The following LRRC4C variants were observed in gnomAD, a reference collection of about 807,000 sequenced individuals.
The protein encoded by LRRC4C is leucine-rich repeat-containing protein 4C.
LRRC4C carries 5 observed loss-of-function variants against 33.6 expected under a neutral mutation model. That is an observed-to-expected ratio of 0.15 (90% confidence interval 0.08 to 0.31). The LOEUF (loss-of-function observed/expected upper bound fraction) is 0.31, where lower values mean the gene tolerates loss of function less well. LRRC4C is among the 10% of genes least tolerant of loss of function. The pLI is 1.00. For missense variants in LRRC4C, 560 were observed against 796.7 expected (o/e 0.70, Z 3.58); for synonymous variants, 329 against 302.0 (o/e 1.09, Z -0.93).
At chr11:40,310,923 A>G (rs1222986440) in intron 4 of LRRC4C, among the ~76,000 whole-genome samples, 2 of 152,212 alleles carry the variant, frequency 1.3e-5, no homozygotes, top group African/African-American at 4.8e-5. Context: ...TTTGAAAACC[A>G]TATGCATTAA....
At chr11:40,804,484 C>T (rs897615264) in intron 2 of LRRC4C, among the ~76,000 whole-genome samples, 9 of 152,262 alleles carry the variant, frequency 5.9e-5, no homozygotes, top group East Asian at 1.9e-4. Context: ...CACAGCATTC[C>T]GCACGTGTTT....
chr11:40,659,588 GAGACTACCAGCT>G (rs1207396491), intron 2 of LRRC4C, among the ~76,000 whole-genome samples: 1 of 152,194 alleles, frequency 6.6e-6, no homozygotes, highest in African/African-American at 2.4e-5. Context: ...CAGAGATGTT[GAGACTACCAGCT>G]ATGGGAAGGA....
At chr11:40,799,632 G>A (rs1159997646) in intron 2 of LRRC4C, among the ~76,000 whole-genome samples, 1 of 152,278 alleles carries the variant, frequency 6.6e-6, no homozygotes, top group Middle Eastern at 3.4e-3. Context: ...ACCATGCCCG[G>A]CTAATTCTTG....
At chr11:41,426,280 CT>C (rs1445200817) in intron 1 of LRRC4C, 1 of 152,166 alleles carries the variant, frequency 6.6e-6, no homozygotes, top group Non-Finnish European at 1.5e-5. Flanking sequence ...CTTTTGATGC[CT>C]CATGTTCCCT....
At chr11:40,226,486 A>T (rs574922539) in intron 5 of LRRC4C, among the ~76,000 whole-genome samples, 3 of 152,358 alleles carry the variant, frequency 2.0e-5, no homozygotes, top group African/African-American at 7.2e-5. Context: ...CTTTAAGCCC[A>T]TATCTTCTTG....
chr11:41,340,889 C>T (rs922509704), intron 1 of LRRC4C, among the ~76,000 whole-genome samples: 3 of 152,064 alleles, frequency 2.0e-5, no homozygotes, highest in Non-Finnish European at 4.4e-5. Context: ...TTTTGCAAGT[C>T]GAAACTGTGC....
At chr11:41,355,527 C>T (rs1035649478) in intron 1 of LRRC4C, among the ~76,000 whole-genome samples, 1 of 152,014 alleles carries the variant, frequency 6.6e-6, no homozygotes, top group East Asian at 1.9e-4. Context: ...TAATTCTTCC[C>T]AATTTGTATA....
At chr11:41,179,550 T>G (rs1213345677) in intron 1 of LRRC4C, among the ~76,000 whole-genome samples, 1 of 152,212 alleles carries the variant, frequency 6.6e-6, no homozygotes, top group Non-Finnish European at 1.5e-5. Context: ...CCTCGTATTT[T>G]ATTTCCTTTC....
intron 1 of LRRC4C, among the ~76,000 whole-genome samples, chr11:41,304,255 G>A (rs1248122823): frequency 3.1e-4 from 39 of 124,276 alleles, no homozygotes; most frequent in African/African-American, 8.9e-4. Context: ...CAGCTGCCCC[G>A]TCTGGGAGGT....
At chr11:41,208,670 A>G (rs1946696687) in intron 1 of LRRC4C, among the ~76,000 whole-genome samples, 1 of 152,240 alleles carries the variant, frequency 6.6e-6, no homozygotes, top group Non-Finnish European at 1.5e-5. Flanking sequence ...GGGCTACCTG[A>G]TTGGGAACAT....
intron 5 of LRRC4C, among the ~76,000 whole-genome samples, chr11:40,182,239 T>C (rs1471700882): frequency 1.3e-5 from 2 of 152,170 alleles, no homozygotes; most frequent in Non-Finnish European, 2.9e-5. Context: ...AACACTATTA[T>C]GAGATGTGTA....
rs369967777 is a variant in LRRC4C at position 40,694,322 on chromosome 11, A to C, written c.-406-46044T>G. The stretch of plus-strand genomic sequence containing the variant: ...CAGCATTGGAGAAAATAAATAGTGA[A>C]TAGAAATCGAGGCTGCTTTCTTTCC... On this transcript the variant is annotated intron_variant, in intron 2 of 6. Coordinates refer to ENST00000528697, the MANE Select transcript of LRRC4C (RefSeq NM_001258419.2). Among the ~76,000 whole-genome samples the C allele has an allele frequency of 6.6e-5, 10 of 152,278 alleles. No individual in the cohort carries two copies. The East Asian group carries it at 1.2e-3, about 18-fold the overall frequency.
chr11:40,664,231 G>A (rs1408698031), intron 2 of LRRC4C, among the ~76,000 whole-genome samples: 4 of 152,026 alleles, frequency 2.6e-5, no homozygotes, highest in Non-Finnish European at 4.4e-5. Flanking sequence ...ACTACAAAAA[G>A]ATTTTAAAAA....
rs188672565 is a variant in LRRC4C at position 40,694,129 on chromosome 11, T to A, written c.-406-45851A>T. Among the ~76,000 whole-genome samples the A allele has an allele frequency of 2.8e-4, 43 of 152,288 alleles. 1 individual carries two copies. In the Middle Eastern group the frequency reaches 0.01, roughly 36 times the overall value. On this transcript the variant is annotated intron_variant, in intron 2 of 6. Transcript: ENST00000528697. ...CCGATGTAGCTGGAAGTAATTGAAC[T>A]GGAATCACAATGTAAAATAAACCTC...
chr11:40,483,942 A>G (rs1439155314), intron 3 of LRRC4C, among the ~76,000 whole-genome samples: 3 of 152,028 alleles, frequency 2.0e-5, no homozygotes, highest in Non-Finnish European at 4.4e-5. Context: ...TGTAAAACAA[A>G]TGTCCCCCAA....
At chr11:40,900,175 G>T (rs1429343424) in intron 2 of LRRC4C, among the ~76,000 whole-genome samples, 1 of 151,944 alleles carries the variant, frequency 6.6e-6, no homozygotes, top group Non-Finnish European at 1.5e-5. Context: ...ATTGACTCAT[G>T]GATTCTCTAC....
intron 5 of LRRC4C, among the ~76,000 whole-genome samples, chr11:40,221,101 C>T (rs949050795): frequency 6.6e-6 from 1 of 152,054 alleles, no homozygotes. Context: ...GTCTCAAACT[C>T]CTGACCTCAG....
At chr11:41,075,529 T>A (rs1420125730) in intron 1 of LRRC4C, among the ~76,000 whole-genome samples, 2 of 152,100 alleles carry the variant, frequency 1.3e-5, no homozygotes, top group Non-Finnish European at 2.9e-5. Flanking sequence ...TGCTCCTTTT[T>A]ATTACACCAA....
At chr11:40,324,106 A>G (rs1238140659) in intron 3 of LRRC4C, among the ~76,000 whole-genome samples, 1 of 152,204 alleles carries the variant, frequency 6.6e-6, no homozygotes, top group Non-Finnish European at 1.5e-5. Flanking sequence ...GTAGGTACAC[A>G]TACTCACATA....
Sources: allele counts gnomAD v4.1 joint callset (sites outside exome capture counted in the v4.1 genomes callset), GRCh38; gene constraint gnomAD v4.1.1; transcripts MANE v1.5; gene names NCBI Gene and HGNC (gene_info 2026-07-23, HGNC 2026-07-21).